Variants in FGF12 observed in about 807,000 individuals in gnomAD.
FGF12 encodes fibroblast growth factor 12.
FGF12 carries 14 observed loss-of-function variants against 23.6 expected under a neutral mutation model. The ratio of observed to expected loss-of-function variants is 0.59; its 90% CI spans 0.39 to 0.93. The LOEUF (loss-of-function observed/expected upper bound fraction) is 0.93. FGF12 is among the 40% of genes least tolerant of loss of function. The pLI is 0.00. For missense variants in FGF12, 175 were observed against 217.8 expected (o/e 0.80, Z 1.24); for synonymous variants, 62 against 77.3 (o/e 0.80, Z 1.04).
chr3:192,255,266 A>G (rs1712311590), intron 4 of FGF12, among the ~76,000 whole-genome samples: 3 of 152,076 alleles, frequency 2.0e-5, no homozygotes, highest in Non-Finnish European at 4.4e-5. Flanking sequence ...ATGTTAGAGA[A>G]AAGTTTAAAT....
intron 2 of FGF12, among the ~76,000 whole-genome samples, chr3:192,617,675 C>G (rs953349658): frequency 3.9e-5 from 6 of 152,052 alleles, no homozygotes; most frequent in African/African-American, 1.4e-4. Context: ...TGAGGTGGGA[C>G]CCAAGATTCC....
At chr3:192,175,855 A>T (rs956211437) in intron 4 of FGF12, among the ~76,000 whole-genome samples, 1 of 152,068 alleles carries the variant, frequency 6.6e-6, no homozygotes, top group East Asian at 1.9e-4. Context: ...TCATAGTTTC[A>T]TACTCTACCT....
At chr3:192,320,752 T>C (rs982342444) in intron 4 of FGF12, among the ~76,000 whole-genome samples, 2 of 151,938 alleles carry the variant, frequency 1.3e-5, no homozygotes, top group African/African-American at 4.8e-5. Flanking sequence ...AATGTAAAAA[T>C]TTCTTGAAAC....
chr3:192,573,356 C>T (rs1187212768), intron 2 of FGF12, among the ~76,000 whole-genome samples: 2 of 152,060 alleles, frequency 1.3e-5, no homozygotes, highest in Non-Finnish European at 1.5e-5. Context: ...ATTCCTGCAA[C>T]GTTGTTTTTG....
At chr3:192,277,094 C>G (rs895703582) in intron 4 of FGF12, among the ~76,000 whole-genome samples, 2 of 152,160 alleles carry the variant, frequency 1.3e-5, no homozygotes, top group African/African-American at 4.8e-5. Context: ...ATTTATATGC[C>G]TTTTTCCTCT....
chr3:192,187,896 G>C (rs554948769), intron 4 of FGF12, among the ~76,000 whole-genome samples: 1 of 152,256 alleles, frequency 6.6e-6, no homozygotes, highest in Non-Finnish European at 1.5e-5. Context: ...CGACATGGGG[G>C]GTCAACTGTG....
intron 4 of FGF12, among the ~76,000 whole-genome samples, chr3:192,247,311 G>A (rs1050035015): frequency 2.2e-4 from 33 of 152,096 alleles, no homozygotes; most frequent in Non-Finnish European, 3.4e-4. Context: ...GAGTTGTTTC[G>A]TCACTGTAGA....
At chr3:192,691,580 A>G (rs1717944852) in intron 2 of FGF12, among the ~76,000 whole-genome samples, 1 of 152,068 alleles carries the variant, frequency 6.6e-6, no homozygotes, top group Non-Finnish European at 1.5e-5. Context: ...CCTACATTAA[A>G]AAGAAGAAAG....
chr3:192,237,758 G>A (rs1246968555), intron 4 of FGF12, among the ~76,000 whole-genome samples: 1 of 152,122 alleles, frequency 6.6e-6, no homozygotes, highest in East Asian at 1.9e-4. Flanking sequence ...TCTTGGGATT[G>A]GGTTTCAACC....
intron 4 of FGF12, among the ~76,000 whole-genome samples, chr3:192,231,072 C>G (rs1161097201): frequency 6.6e-6 from 1 of 152,128 alleles, no homozygotes; most frequent in Non-Finnish European, 1.5e-5. Flanking sequence ...ACTTAAAGTT[C>G]ACCTGTAAAA....
At chr3:192,230,296 T>C (rs760596607) in intron 4 of FGF12, among the ~76,000 whole-genome samples, 4 of 152,188 alleles carry the variant, frequency 2.6e-5, no homozygotes, top group Non-Finnish European at 4.4e-5. Context: ...TTTAGACAGA[T>C]ACATATATGG....
intron 2 of FGF12, chr3:192,726,844 T>C: frequency 2.9e-6 from 1 of 349,440 alleles, no homozygotes; most frequent in Admixed American, 4.2e-5. Context: ...ATAGATTTAT[T>C]TGAGTCCATC....
At chr3:192,523,341 A>T (rs1458168953) in intron 2 of FGF12, among the ~76,000 whole-genome samples, 1 of 152,162 alleles carries the variant, frequency 6.6e-6, no homozygotes, top group Non-Finnish European at 1.5e-5. Flanking sequence ...AATGATAAGA[A>T]ATTTCCAAAG....
chr3:192,544,570 T>C (rs1025599254), intron 2 of FGF12, among the ~76,000 whole-genome samples: 5 of 152,198 alleles, frequency 3.3e-5, no homozygotes, highest in Non-Finnish European at 4.4e-5. Flanking sequence ...GTAAATTTAT[T>C]TTATCTCAGT....
chr3:192,418,388 G>A (rs985010594), intron 2 of FGF12, among the ~76,000 whole-genome samples: 2 of 152,118 alleles, frequency 1.3e-5, no homozygotes, highest in African/African-American at 4.8e-5. Flanking sequence ...ACAGTATGAT[G>A]TCAGTCAAGA....
At chr3:192,416,981 A>G (rs1310531803) in intron 2 of FGF12, among the ~76,000 whole-genome samples, 1 of 152,116 alleles carries the variant, frequency 6.6e-6, no homozygotes, top group Non-Finnish European at 1.5e-5. Context: ...TATTTTTCCA[A>G]TGTTTTGGAC....
At chr3:192,490,497 G>A (rs74529283) in intron 2 of FGF12, among the ~76,000 whole-genome samples, 9,381 of 151,726 alleles carry the variant, frequency 0.062, 994 homozygotes, top group African/African-American at 0.22. Flanking sequence ...GTGTATGTAT[G>A]TGTATACACA....
chr3:192,227,970 T>C (rs1718826809), intron 4 of FGF12, among the ~76,000 whole-genome samples: 1 of 152,158 alleles, frequency 6.6e-6, no homozygotes, highest in Non-Finnish European at 1.5e-5. Context: ...AAAGTTTGTT[T>C]GTTTAGAAGA....
intron 2 of FGF12, among the ~76,000 whole-genome samples, chr3:192,368,501 G>C (rs1468182165): frequency 6.6e-6 from 1 of 152,086 alleles, no homozygotes; most frequent in Non-Finnish European, 1.5e-5. Flanking sequence ...AACCATTAAG[G>C]ATATCTAACA....
Sources: gnomAD v4.1 joint callset for allele counts (sites outside exome capture counted in the v4.1 genomes callset) on GRCh38, gnomAD v4.1.1 for gene constraint, MANE v1.5 for transcripts, NCBI Gene and HGNC (gene_info 2026-07-23, HGNC 2026-07-21) for gene names.